The following R3HDM2 variants were observed in gnomAD, a reference collection of about 807,000 sequenced individuals.
The protein encoded by R3HDM2 is R3H domain containing 2.
A neutral mutation model predicts 124.5 loss-of-function variants in R3HDM2; 38 were observed. The observed-to-expected ratio is 0.31, with a 90% CI of 0.24 to 0.40. The LOEUF (loss-of-function observed/expected upper bound fraction) is 0.40. R3HDM2 is among the 10% of genes least tolerant of loss of function. The pLI is 1.00. For missense variants in R3HDM2, 869 were observed against 1,236.9 expected (o/e 0.70, Z 4.46); for synonymous variants, 391 against 448.0 (o/e 0.87, Z 1.61).
At chr12:57,366,753 G>A (rs1470285145) in intron 2 of R3HDM2, among the ~76,000 whole-genome samples, 9 of 152,022 alleles carry the variant, frequency 5.9e-5, no homozygotes, top group Admixed American at 5.2e-4. Flanking sequence ...GCAGTGGCGC[G>A]ATCTTGGCTC....
rs869081684 is a variant in R3HDM2, at chr12:57,270,395, ATTTTGTTTTG to A, written c.1345-411_1345-402del. On this transcript the variant is annotated intron_variant, in intron 14 of 23. Coordinates refer to ENST00000402412, the MANE Select transcript of R3HDM2 (RefSeq NM_001394031.1). ...CTGCCACCAAACCCGGCTAATTCTTATTTTGTTTTGTTTTGTTTTGTTTTGTTTTGTTTTG... is the reference window on the plus strand; with the variant it reads ...CTGCCACCAAACCCGGCTAATTCTTATTTTGTTTTGTTTTGTTTTGTTTTG... Among the ~76,000 whole-genome samples the A allele has an allele frequency of 7.7e-5, 8 of 103,784 alleles. 1 individual carries two copies. Among genetic ancestry groups the A allele is most frequent in the African/African-American group, 2.8e-4 (8 of 28,174 alleles). The allele number at this position is 103,784 out of a possible 152,430, so 68.1% of individuals were successfully genotyped here.
intron 2 of R3HDM2, among the ~76,000 whole-genome samples, chr12:57,388,904 A>T (rs1313653528): frequency 6.6e-6 from 1 of 152,240 alleles, no homozygotes; most frequent in Non-Finnish European, 1.5e-5. Flanking sequence ...GCAAAAACCG[A>T]ATCCATAACT....
intron 12 of R3HDM2, among the ~76,000 whole-genome samples, chr12:57,285,285 C>T (rs1473015051): frequency 2.0e-5 from 3 of 152,066 alleles, no homozygotes; most frequent in African/African-American, 7.2e-5. Context: ...TATTAGAATA[C>T]CTACTCCAAA....
intron 2 of R3HDM2, among the ~76,000 whole-genome samples, chr12:57,340,421 C>G (rs2059415332): frequency 6.6e-6 from 1 of 152,150 alleles, no homozygotes; most frequent in Admixed American, 6.5e-5. Flanking sequence ...CCTTATAGCT[C>G]CTGTCTCTGG....
chr12:57,313,882 G>GAAAAAAAAAAAAAA (rs869177467), intron 2 of R3HDM2, among the ~76,000 whole-genome samples: 1 of 60,494 alleles, frequency 1.7e-5, no homozygotes. Context: ...TCCTGTCTCT[G>GAAAAAAAAAAAAAA]AAAAAAAAAA....
At chr12:57,416,224 T>C (rs1003446166) in intron 1 of R3HDM2, among the ~76,000 whole-genome samples, 1 of 151,984 alleles carries the variant, frequency 6.6e-6, no homozygotes, top group Non-Finnish European at 1.5e-5. Flanking sequence ...GTACTATGTA[T>C]GTAGGGAGGG....
intron 12 of R3HDM2, among the ~76,000 whole-genome samples, chr12:57,285,247 C>T (rs12227309): frequency 0.24 from 36,197 of 151,932 alleles, 4,661 homozygotes; most frequent in South Asian, 0.43. Flanking sequence ...TTCTTAAGGG[C>T]ATTAATATTA....
At chr12:57,316,850 A>T (rs2055152458) in intron 2 of R3HDM2, among the ~76,000 whole-genome samples, 1 of 151,302 alleles carries the variant, frequency 6.6e-6, no homozygotes, top group South Asian at 2.1e-4. Flanking sequence ...CCTGGGTTCA[A>T]GCGATTCTAC....
chr12:57,254,164 G>A lies in R3HDM2; in HGVS notation c.*609C>T, dbSNP rs899136229. The stretch of plus-strand genomic sequence containing the variant: ...CCAATTCTACCTGACCAAAAAATGA[G>A]AAATTAATTTTATGATAGGAGAAGA... On this transcript the variant is annotated 3_prime_UTR_variant, in exon 24 of 24. Transcript: ENST00000402412. 2.2e-6 allele frequency: 1 copy of A among 455,990 alleles called. No homozygotes were observed. Among genetic ancestry groups the A allele is most frequent in the African/African-American group, 2.0e-5 (1 of 50,002 alleles). 28.2% of individuals were successfully genotyped at this position (455,990 alleles called of 1,614,324 possible).
intron 2 of R3HDM2, among the ~76,000 whole-genome samples, chr12:57,370,516 T>G (rs1189798796): frequency 6.6e-6 from 1 of 151,644 alleles, no homozygotes; most frequent in Non-Finnish European, 1.5e-5. Flanking sequence ...GGTGCATGCC[T>G]GTAATCCCAG....
intron 3 of R3HDM2, among the ~76,000 whole-genome samples, chr12:57,309,516 A>G (rs1274952600): frequency 6.6e-6 from 1 of 152,218 alleles, no homozygotes; most frequent in African/African-American, 2.4e-5. Flanking sequence ...CAAAGAGTGA[A>G]ATTCCTTTTA....
intron 2 of R3HDM2, among the ~76,000 whole-genome samples, chr12:57,348,038 C>A (rs891583926): frequency 4.6e-5 from 7 of 152,230 alleles, no homozygotes; most frequent in Admixed American, 2.0e-4. Flanking sequence ...GAAGAAAAAT[C>A]TTTTTCCTGT....
intron 2 of R3HDM2, among the ~76,000 whole-genome samples, chr12:57,383,343 TTG>T (rs2065185228): frequency 2.0e-5 from 3 of 152,142 alleles, no homozygotes; most frequent in Admixed American, 2.0e-4. Flanking sequence ...AGCTATTATT[TTG>T]TGTTATTATT....
At chr12:57,424,694 T>C (rs2070549415) in intron 1 of R3HDM2, among the ~76,000 whole-genome samples, 1 of 152,182 alleles carries the variant, frequency 6.6e-6, no homozygotes, top group South Asian at 2.1e-4. Flanking sequence ...CTGTATTTTT[T>C]GAAAACCTAG....
At position 57,265,643 on chromosome 12, in the gene R3HDM2, A is replaced by G. The variant is rs60687645; in HGVS notation, c.2131+1088T>C. On this transcript the variant is annotated intron_variant, in intron 19 of 23. Transcript: ENST00000402412. ...ATGTCATTTCTTTTTTTTTCCCCCT[A>G]GAGACAGGGTCCCACTCCCTATCTG... Among the ~76,000 whole-genome samples the G allele has an allele frequency of 5.1e-3, 769 of 152,172 alleles. 5 individuals are homozygous for G. Among genetic ancestry groups the G allele is most frequent in the African/African-American group, 0.018 (732 of 41,546 alleles).
At chr12:57,276,337 C>A (rs994506662) in intron 14 of R3HDM2, among the ~76,000 whole-genome samples, 1 of 152,016 alleles carries the variant, frequency 6.6e-6, no homozygotes, top group Non-Finnish European at 1.5e-5. Context: ...ATGTTTATAG[C>A]AGCACGATTC....
At chr12:57,402,838 T>C (rs2068164360) in intron 1 of R3HDM2, among the ~76,000 whole-genome samples, 1 of 152,088 alleles carries the variant, frequency 6.6e-6, no homozygotes. Context: ...ATTACAGACA[T>C]AAGCTACTGC....
At chr12:57,263,961 A>G (rs997884859) in intron 19 of R3HDM2, among the ~76,000 whole-genome samples, 8 of 152,204 alleles carry the variant, frequency 5.3e-5, no homozygotes, top group Non-Finnish European at 1.0e-4. Context: ...TGACATTCCC[A>G]CGATAGAGTG....
chr12:57,273,201 A>T (rs1231753678), intron 14 of R3HDM2, among the ~76,000 whole-genome samples: 1 of 152,166 alleles, frequency 6.6e-6, no homozygotes, highest in African/African-American at 2.4e-5. Flanking sequence ...TGTGACAGCA[A>T]TATGAAAAAT....
Sources: gnomAD v4.1 joint callset for allele counts (sites outside exome capture counted in the v4.1 genomes callset) on GRCh38, gnomAD v4.1.1 for gene constraint, MANE v1.5 for transcripts, NCBI Gene and HGNC (gene_info 2026-07-23, HGNC 2026-07-21) for gene names.